The following RBFOX1 variants were observed in gnomAD, a reference collection of about 807,000 sequenced individuals.
RBFOX1 encodes the protein RNA binding fox-1 homolog 1, also known as RNA binding protein fox-1 homolog 1.
RBFOX1 carries 8 observed loss-of-function variants against 57.7 expected under a neutral mutation model. The observed-to-expected ratio is 0.14, with a 90% CI of 0.08 to 0.25. The LOEUF (loss-of-function observed/expected upper bound fraction) is 0.25. Ranked by LOEUF, RBFOX1 falls within the 10% of genes least tolerant of loss-of-function variation. The pLI is 1.00. For synonymous variants in RBFOX1, 326 were observed against 222.4 expected (o/e 1.47, Z -4.15); for missense variants, 611 against 548.5 (o/e 1.11, Z -1.14).
intron 4 of RBFOX1, among the ~76,000 whole-genome samples, chr16:5,945,961 C>T (rs762129165): frequency 2.5e-4 from 38 of 152,182 alleles, no homozygotes; most frequent in Admixed American, 5.9e-4. Flanking sequence ...CCTTTCAAGC[C>T]GCTCTGAGTC....
intron 2 of RBFOX1, among the ~76,000 whole-genome samples, chr16:6,653,689 T>C (rs998805675): frequency 6.9e-6 from 1 of 144,860 alleles, no homozygotes; most frequent in South Asian, 2.2e-4. Context: ...GGAGGGTAGA[T>C]GAAGGAAGGA....
chr16:6,994,945 T>TTTTGTGTGTGTG (rs2092031918), intron 3 of RBFOX1, among the ~76,000 whole-genome samples: 1 of 147,994 alleles, frequency 6.8e-6, no homozygotes, highest in East Asian at 2.0e-4. Flanking sequence ...TTGCATTATT[T>TTTTGTGTGTGTG]TGTGTGTGTG....
intron 4 of RBFOX1, among the ~76,000 whole-genome samples, chr16:5,868,268 G>A (rs2057389283): frequency 6.6e-6 from 1 of 152,228 alleles, no homozygotes; most frequent in Non-Finnish European, 1.5e-5. Context: ...CCAGGGCTCT[G>A]TGTGACGTCC....
At chr16:6,421,701 A>T (rs1190442980) in intron 2 of RBFOX1, among the ~76,000 whole-genome samples, 2 of 152,174 alleles carry the variant, frequency 1.3e-5, no homozygotes, top group Non-Finnish European at 2.9e-5. Context: ...AATGATCGGG[A>T]TAAATTTAAC....
intron 3 of RBFOX1, among the ~76,000 whole-genome samples, chr16:5,759,757 G>T (rs1333393764): frequency 1.3e-5 from 2 of 151,564 alleles, no homozygotes; most frequent in Non-Finnish European, 2.9e-5. Context: ...GCATTTTTCT[G>T]ATCTCCCTGA....
At chr16:6,089,133 G>A (rs1288693929) in intron 1 of RBFOX1, among the ~76,000 whole-genome samples, 2 of 151,368 alleles carry the variant, frequency 1.3e-5, no homozygotes, top group African/African-American at 4.9e-5. Context: ...GAGTAATGAT[G>A]GGGAAGGACC....
chr16:5,731,831 G>A (rs558911566), intron 3 of RBFOX1, among the ~76,000 whole-genome samples: 17 of 152,238 alleles, frequency 1.1e-4, no homozygotes, highest in African/African-American at 3.9e-4. Context: ...TCTAATATGT[G>A]TCTTTCTATC....
At chr16:6,144,824 C>T (rs972590596) in intron 1 of RBFOX1, among the ~76,000 whole-genome samples, 1 of 152,162 alleles carries the variant, frequency 6.6e-6, no homozygotes, top group African/African-American at 2.4e-5. Flanking sequence ...TTTGACTTCA[C>T]ATATTTATTG....
At chr16:6,831,908 C>T (rs1043555859) in intron 3 of RBFOX1, among the ~76,000 whole-genome samples, 12 of 152,224 alleles carry the variant, frequency 7.9e-5, no homozygotes, top group South Asian at 2.1e-4. Flanking sequence ...TTACTTCTGA[C>T]GAAGAACTTA....
At chr16:6,959,594 A>AG (rs2082541824) in intron 3 of RBFOX1, among the ~76,000 whole-genome samples, 1 of 152,260 alleles carries the variant, frequency 6.6e-6, no homozygotes, top group African/African-American at 2.4e-5. Context: ...CTGAACAGGC[A>AG]GGCCTCTGTA....
At chr16:6,541,282 T>A (rs1307528319) in intron 2 of RBFOX1, among the ~76,000 whole-genome samples, 1 of 152,200 alleles carries the variant, frequency 6.6e-6, no homozygotes, top group Non-Finnish European at 1.5e-5. Context: ...CATGAAGATA[T>A]TCAACCTCCC....
At chr16:5,241,479 G>A (rs1305862205) in intron 1 of RBFOX1, among the ~76,000 whole-genome samples, 1 of 152,230 alleles carries the variant, frequency 6.6e-6, no homozygotes, top group Non-Finnish European at 1.5e-5. Context: ...AGAATGCAGT[G>A]GAGTGACCAA....
intron 3 of RBFOX1, among the ~76,000 whole-genome samples, chr16:6,728,892 A>G (rs145279748): frequency 1.3e-5 from 2 of 152,314 alleles, no homozygotes; most frequent in East Asian, 3.9e-4. Context: ...AGATAATGAT[A>G]TATATATAGT....
chr16:5,552,315 G>A (rs6500696), intron 2 of RBFOX1, among the ~76,000 whole-genome samples: 58,101 of 151,990 alleles, frequency 0.38, 11,441 homozygotes, highest in Non-Finnish European at 0.42. Context: ...AGGCTAACAT[G>A]CAGAGTGTTT....
chr16:5,494,873 C>T (rs944133917), intron 2 of RBFOX1, among the ~76,000 whole-genome samples: 3 of 152,064 alleles, frequency 2.0e-5, no homozygotes, highest in Admixed American at 2.0e-4. Context: ...TCAGTGGACC[C>T]CTGTTTACTC....
chr16:6,791,285 G>T (rs573673064), intron 3 of RBFOX1, among the ~76,000 whole-genome samples: 1 of 152,214 alleles, frequency 6.6e-6, no homozygotes, highest in East Asian at 1.9e-4. Flanking sequence ...CATGGAAATT[G>T]CTTTTCTTTT....
At chr16:6,452,129 T>C (rs939098369) in intron 2 of RBFOX1, among the ~76,000 whole-genome samples, 11 of 147,980 alleles carry the variant, frequency 7.4e-5, no homozygotes, top group Admixed American at 4.7e-4. Flanking sequence ...CTTCCTTCCA[T>C]GACTCCATCC....
At chr16:7,518,528 G>C (rs531748399) in intron 5 of RBFOX1, 139 bp downstream of exon 5, 2 of 1,120,316 alleles carry the variant, frequency 1.8e-6, no homozygotes, top group African/African-American at 1.6e-5. Context: ...CATCATACCA[G>C]CTTCCTGAAG....
chr16:7,620,647 G>T (rs1201838467), intron 10 of RBFOX1, among the ~76,000 whole-genome samples: 1 of 152,108 alleles, frequency 6.6e-6, no homozygotes, highest in African/African-American at 2.4e-5. Context: ...GGCAGCTTCG[G>T]AATTCTTAGA....
Sources: gnomAD v4.1 joint callset for allele counts (sites outside exome capture counted in the v4.1 genomes callset) on GRCh38, gnomAD v4.1.1 for gene constraint, MANE v1.5 for transcripts, NCBI Gene and HGNC (gene_info 2026-07-23, HGNC 2026-07-21) for gene names.